LRRC41: variants seen among roughly 807,000 people sequenced by gnomAD.
LRRC41 encodes the protein leucine rich repeat containing 41.
A neutral mutation model predicts 72.1 loss-of-function variants in LRRC41; 17 were observed. That is an observed-to-expected ratio of 0.24 (90% CI 0.16 to 0.35). The LOEUF (loss-of-function observed/expected upper bound fraction) is 0.35, where lower values mean the gene tolerates loss of function less well. Among genes scored for constraint, LRRC41 ranks in the 10% least tolerant of loss-of-function variants. The probability of loss-of-function intolerance (pLI) is 1.00; values close to 1 mark genes in which losing one functional copy is unlikely to be tolerated. For missense variants in LRRC41, 759 were observed against 1,065.0 expected, an observed-to-expected ratio of 0.71 and a Z score of 4.00; for synonymous variants, 427 against 431.0, an observed-to-expected ratio of 0.99 and a Z score of 0.11.
intron 3 of LRRC41, among the ~76,000 whole-genome samples, chr1:46,293,720 C>G (rs1661064970): frequency 6.6e-6 from 1 of 151,940 alleles, no homozygotes; most frequent in Non-Finnish European, 1.5e-5. Context: ...CAGGTGTGTG[C>G]CACCACGCCC....
rs1478798638 is a variant in LRRC41, at chr1:46,278,944, C to T, written c.2360G>A (p.Arg787Gln). 8 of 1,613,944 alleles carry T rather than the reference C, an allele frequency of 5.0e-6. No homozygotes were observed. The highest frequency in any genetic ancestry group is 2.2e-5 in the East Asian group (1 of 44,876). Residue 787 changes from arginine (R) to glutamine (Q), a missense_variant, in exon 10 of 10, where the codon CGG (arginine) becomes CAG (glutamine). Arg to Gln is a conservative substitution (Grantham distance 43, BLOSUM62 1). Around this residue, in one of 4 missense-constraint regions of LRRC41, gnomAD observed 110 missense variants for 227.0 expected, o/e 0.48. Coordinates refer to ENST00000617190, the MANE Select transcript of LRRC41 (RefSeq NM_006369.5). ...DAVTAREAIRRLRATCHVVSD... is the reference protein window; with the variant it reads ...DAVTAREAIRQLRATCHVVSD... ...AACCACATGGCAGGTAGCCCGGAGC[C>T]GCCGGATGGCTTCCCTGGCTGTGAC... is the stretch of plus-strand genomic sequence containing the variant.
At chr1:46,290,260 T>C (rs1393147233) in intron 3 of LRRC41, among the ~76,000 whole-genome samples, 2 of 151,994 alleles carry the variant, frequency 1.3e-5, no homozygotes, top group South Asian at 2.1e-4. Flanking sequence ...ATAGAAAAAA[T>C]GTAGCTGGGC....
chr1:46,288,843 C>A (rs1333952699), intron 3 of LRRC41, among the ~76,000 whole-genome samples: 1 of 152,258 alleles, frequency 6.6e-6, no homozygotes, highest in Admixed American at 6.5e-5. Context: ...GCAACCAAAT[C>A]TCTGCTCAAC....
In LRRC41 at chr1:46,302,293, C is replaced by T. The variant is rs1161676788; in HGVS notation, c.199+831G>A. Reference sequence around the variant, plus strand: ...TCGCCCCGCTTGGGGCCTCCTTGGCCCTTCCCGCCTGTCCGTCATTCGAGC... The same window carrying T: ...TCGCCCCGCTTGGGGCCTCCTTGGCTCTTCCCGCCTGTCCGTCATTCGAGC... On this transcript the variant is annotated intron_variant, in intron 1 of 9. Transcript: ENST00000617190. This position sits in a 1 kb window ranked among gnomAD's most constrained non-coding sequence, Gnocchi z 4.7. 2 of 985,292 alleles carry T rather than the reference C, an allele frequency of 2.0e-6. No individual in the cohort carries two copies. The highest frequency in any genetic ancestry group is 1.1e-4 in the East Asian group (1 of 8,806). 61.0% of individuals were successfully genotyped at this position (985,292 alleles called of 1,614,324 possible).
intron 3 of LRRC41, among the ~76,000 whole-genome samples, chr1:46,294,416 CTTTTT>C (rs943874224): frequency 6.6e-6 from 1 of 151,624 alleles, no homozygotes; most frequent in African/African-American, 2.4e-5. Flanking sequence ...CCCTTTCTTT[CTTTTT>C]TTAAGAGACG....
At position 46,279,530 on chromosome 1, in the gene LRRC41, G is replaced by A. The variant is rs1660726243; in HGVS notation, c.2105C>T (p.Ser702Phe). Residue 702 changes from serine to phenylalanine, a missense_variant, in exon 8 of 10, where the codon TCC (serine) becomes TTC (phenylalanine). Around this residue, in one of 4 missense-constraint regions of LRRC41, gnomAD observed 110 missense variants for 227.0 expected, o/e 0.48. Transcript: ENST00000617190. This position sits in a 1 kb window ranked among gnomAD's most constrained non-coding sequence, Gnocchi z 4.5. ...PEMVAAMKGN[S>F]TLKGLRLPGN... ...TGGCAGCCGGAGGCCCTTCAGTGTG[G>A]AGTTGCCCTTCATAGCAGCAACCAT... 1 of 1,614,098 alleles carries A rather than the reference G, an allele frequency of 6.2e-7. No individual in the cohort carries two copies. Among genetic ancestry groups the A allele is most frequent in the Non-Finnish European group, 8.5e-7 (1 of 1,180,054 alleles).
chr1:46,278,686 G>T lies in LRRC41; in HGVS notation c.*179C>A. 1 of 641,842 alleles carries T rather than the reference G, an allele frequency of 1.6e-6. No individual in the cohort carries two copies. The highest frequency in any genetic ancestry group is 2.7e-6 in the Non-Finnish European group (1 of 372,598). 39.8% of individuals were successfully genotyped at this position (641,842 alleles called of 1,614,324 possible). A position where few individuals can be genotyped will look rare whatever the true frequency, so the allele number is the denominator to read the frequency against. ...AGACTATAAACCCAGCTGTGAGAAT[G>T]CCTGTTTGCTGGGCCTCATCAAGGC... On this transcript the variant is annotated 3_prime_UTR_variant, in exon 10 of 10. Transcript: ENST00000617190.
chr1:46,291,880 G>C (rs182596412), intron 3 of LRRC41, among the ~76,000 whole-genome samples: 1 of 150,022 alleles, frequency 6.7e-6, no homozygotes, highest in Non-Finnish European at 1.5e-5. Flanking sequence ...GGGGAGGAGA[G>C]GGTCTCTGTC....
chr1:46,280,359 C>G (rs1056862858), intron 6 of LRRC41, 37 bp downstream of exon 6: 4 of 1,613,988 alleles, frequency 2.5e-6, no homozygotes, highest in Non-Finnish European at 3.4e-6. Flanking sequence ...AGGTCCCCAC[C>G]TACTCCTCTC....
chr1:46,279,223 G>A lies in LRRC41; in HGVS notation c.2178C>T (p.Phe726=), dbSNP rs779839738. 2 of 1,614,202 alleles carry A rather than the reference G, an allele frequency of 1.2e-6. No individual in the cohort carries two copies. Among genetic ancestry groups the A allele is most frequent in the Admixed American group, 1.7e-5 (1 of 60,022 alleles). ...NAGLLALADV[F]SEDSSSSLCQ... The stretch of plus-strand genomic sequence containing the variant: ...AGAGAGAGGAGGATGAATCCTCTGA[G>A]AAAACATCTGCCAAGGCCAGCAGGC... Residue 726 remains phenylalanine (F), a synonymous_variant, in exon 9 of 10, where the codon TTC becomes TTT. Coordinates refer to ENST00000617190, the MANE Select transcript of LRRC41 (RefSeq NM_006369.5). This position sits in a 1 kb window ranked among gnomAD's most constrained non-coding sequence, Gnocchi z 4.5.
chr1:46,277,939 G>A lies in LRRC41; in HGVS notation c.*926C>T, dbSNP rs1660665584. ...TCTCTCTGGGCGAGTTGAAGGAGCT[G>A]TTTATCCTGGATGAAGCTAGCCTCA... On this transcript the variant is annotated 3_prime_UTR_variant, in exon 10 of 10. Coordinates refer to ENST00000617190, the MANE Select transcript of LRRC41 (RefSeq NM_006369.5). 1.2e-6 allele frequency: 2 copies of A among 1,614,010 alleles called. No individual in the cohort carries two copies. The highest frequency in any genetic ancestry group is 3.3e-5 in the Admixed American group (2 of 59,998).
intron 3 of LRRC41, among the ~76,000 whole-genome samples, chr1:46,294,143 C>T (rs1661073389): frequency 6.6e-6 from 1 of 151,892 alleles, no homozygotes; most frequent in South Asian, 2.1e-4. Context: ...AAGACAAGTT[C>T]TGGCTCTATT....
intron 4 of LRRC41, 53 bp from the exon 5 acceptor site, chr1:46,281,438 A>G: frequency 6.5e-7 from 1 of 1,541,684 alleles, no homozygotes; most frequent in Non-Finnish European, 8.9e-7. Flanking sequence ...CAGCAGGGGT[A>G]ATATATTCAA....
intron 3 of LRRC41, among the ~76,000 whole-genome samples, chr1:46,295,436 T>C (rs1187235361): frequency 6.6e-6 from 1 of 152,214 alleles, no homozygotes; most frequent in Non-Finnish European, 1.5e-5. Flanking sequence ...ATATTTATCT[T>C]GTTCACCATT....
At position 46,278,237 on chromosome 1, in the gene LRRC41, C is replaced by T. The variant is rs753869856; in HGVS notation, c.*628G>A. 8.7e-6 allele frequency: 14 copies of T among 1,613,796 alleles called. No individual in the cohort carries two copies. In the Admixed American group the frequency reaches 1.3e-4, roughly 15 times the overall value. The stretch of plus-strand genomic sequence containing the variant: ...ATGCTGCCTCCACTGCCATCACCTT[C>T]GTCTTCCACCAGCGTTCTCATGAGG... On this transcript the variant is annotated 3_prime_UTR_variant, in exon 10 of 10. Transcript: ENST00000617190.
chr1:46,280,281 A>G lies in LRRC41; in HGVS notation c.1931T>C (p.Leu644Pro). 1 of 1,614,072 alleles carries G rather than the reference A, an allele frequency of 6.2e-7. No homozygotes were observed. Among genetic ancestry groups the G allele is most frequent in the Non-Finnish European group, 8.5e-7 (1 of 1,179,880 alleles). ...ATGGAAGCTCAGTCTTTTCAGGGCTAGGTTGTACTCTGGATAGGAGGCAGA... is the reference window on the plus strand; with the variant it reads ...ATGGAAGCTCAGTCTTTTCAGGGCTGGGTTGTACTCTGGATAGGAGGCAGA... ...LVLQTLKEYN[L>P]ALKRLSFHDM... The change falls in exon 7 of 10, where the codon CTA becomes CCA. Residue 644 changes from leucine (L) to proline (P), a missense_variant. Leu to Pro is a moderately conservative substitution (Grantham distance 98, BLOSUM62 -3). Around this residue, in one of 4 missense-constraint regions of LRRC41, gnomAD observed 110 missense variants for 227.0 expected, o/e 0.48. Transcript: ENST00000617190.
chr1:46,289,368 G>A (rs1182851243), intron 3 of LRRC41, among the ~76,000 whole-genome samples: 1 of 152,182 alleles, frequency 6.6e-6, no homozygotes, highest in Non-Finnish European at 1.5e-5. Context: ...TTTTGTGACA[G>A]TTAAATGAGT....
At chr1:46,280,313 G>A in intron 6 of LRRC41, 23 bp from the exon 7 acceptor site, 1 of 1,611,644 alleles carries the variant, frequency 6.2e-7, no homozygotes. Flanking sequence ...CAGAGACCAT[G>A]GACCATGGAC....
chr1:46,299,047 G>A (rs1661176984), intron 1 of LRRC41: 1 of 152,270 alleles, frequency 6.6e-6, no homozygotes, highest in South Asian at 2.1e-4. Context: ...TTCCTATGAA[G>A]AATAGAAACA....
Sources: gnomAD v4.1 joint callset for allele counts (sites outside exome capture counted in the v4.1 genomes callset) on GRCh38, gnomAD v4.1.1 for gene constraint, gnomAD v4.1.1 regional missense constraint, Gnocchi (gnomAD v3.1) non-coding constraint, MANE v1.5 for transcripts, NCBI Gene and HGNC (gene_info 2026-07-23, HGNC 2026-07-21) for gene names.